Variants in LIMCH1 observed in about 807,000 individuals in gnomAD.
The protein encoded by LIMCH1 is LIM and calponin homology domains 1.
In LIMCH1, 113 loss-of-function variants were observed where a neutral mutation model predicts 176.5. The ratio of observed to expected loss-of-function variants is 0.64; its 90% CI spans 0.55 to 0.75. The LOEUF is 0.75. LIMCH1 is among the 30% of genes least tolerant of loss of function. The probability of loss-of-function intolerance (pLI) is 0.00; values close to 1 mark genes in which losing one functional copy is unlikely to be tolerated. For missense variants in LIMCH1, 1,674 were observed against 1,814.9 expected (o/e 0.92, Z 1.41); for synonymous variants, 619 against 645.9 (o/e 0.96, Z 0.63).
intron 1 of LIMCH1, among the ~76,000 whole-genome samples, chr4:41,555,631 G>C (rs573679333): frequency 6.6e-6 from 1 of 152,284 alleles, no homozygotes; most frequent in South Asian, 2.1e-4. Context: ...ATCTTCTAAT[G>C]AGAAAACAGA....
intron 2 of LIMCH1, among the ~76,000 whole-genome samples, chr4:41,519,652 T>G (rs1417868047): frequency 6.6e-6 from 1 of 152,174 alleles, no homozygotes; most frequent in Admixed American, 6.5e-5. Context: ...TTATTTTGGT[T>G]TTTGCAACTG....
intron 1 of LIMCH1, among the ~76,000 whole-genome samples, chr4:41,451,016 G>T (rs771550583): frequency 2.0e-5 from 3 of 152,058 alleles, no homozygotes; most frequent in Non-Finnish European, 2.9e-5. Flanking sequence ...TACCACCAAG[G>T]TCTCCTTTTC....
rs2094246963 is a variant in LIMCH1, at chr4:41,650,478, A to T, written c.2906A>T (p.His969Leu). 1 of 1,613,956 alleles carries T rather than the reference A, an allele frequency of 6.2e-7. No individual in the cohort carries two copies. The highest frequency in any genetic ancestry group is 8.5e-7 in the Non-Finnish European group (1 of 1,179,984). The change falls in exon 18 of 32, where the codon CAC (histidine) becomes CTC (leucine). Residue 969 changes from histidine to leucine, a missense_variant. By Grantham distance (99) the His-to-Leu change is moderately conservative. This residue lies in a region of LIMCH1 where 1,015 missense variants were observed against 1,102.5 expected (regional missense o/e 0.92). Coordinates refer to ENST00000503057, the MANE Select transcript of LIMCH1 (RefSeq NM_001330672.2). ...GAGTGTCCCACGGTGGCACCTGCCC[A>T]CTCCTTAACCAAATCCCAGATGTTT... is the stretch of plus-strand genomic sequence containing the variant. ...ERECPTVAPA[H>L]SLTKSQMFEG... is the part of the protein sequence containing the mutation.
intron 1 of LIMCH1, among the ~76,000 whole-genome samples, chr4:41,477,015 G>A (rs1156845128): frequency 6.6e-6 from 1 of 152,152 alleles, no homozygotes; most frequent in African/African-American, 2.4e-5. Context: ...GTGGAAGTCT[G>A]ATCTTTCTTT....
Position 41,613,800 on chromosome 4 carries a change from C to A in LIMCH1, c.205+139C>A. On this transcript the variant is annotated intron_variant, in intron 5 of 31. Transcript: ENST00000503057. Reference sequence around the variant, plus strand: ...GGAACTTAGTAATTCTATAAACTGGCAGAAAAAAGAAGTCTTTGAATGTTG... The same window carrying A: ...GGAACTTAGTAATTCTATAAACTGGAAGAAAAAAGAAGTCTTTGAATGTTG... 5.6e-6 allele frequency: 4 copies of A among 720,278 alleles called. No homozygotes were observed. In the South Asian group the frequency reaches 8.0e-5, roughly 14 times the overall value. 44.6% of individuals were successfully genotyped at this position (720,278 alleles called of 1,614,324 possible).
chr4:41,664,420 T>C (rs1358655545), intron 20 of LIMCH1, among the ~76,000 whole-genome samples: 1 of 152,220 alleles, frequency 6.6e-6, no homozygotes, highest in Non-Finnish European at 1.5e-5. Flanking sequence ...GCCTCTAAAA[T>C]GCCTGTTGCC....
chr4:41,613,637 G>A lies in LIMCH1; in HGVS notation c.181G>A (p.Val61Ile). The part of the protein sequence containing the change: ...SRSRQTPSPD[V>I]VLRGSSDGRG... ...CTCTCGGCAGACGCCTTCACCAGAT[G>A]TAGTCCTCAGGGGAAGCAGCGATGG... The change falls in exon 5 of 32, where the codon GTA becomes ATA. Residue 61 changes from valine (V) to isoleucine (I), a missense_variant. Physicochemically the swap from Val to Ile is conservative, Grantham distance 29. Transcript: ENST00000503057. 1 of 1,614,162 alleles carries A rather than the reference G, an allele frequency of 6.2e-7. No individual in the cohort carries two copies. The highest frequency in any genetic ancestry group is 8.5e-7 in the Non-Finnish European group (1 of 1,180,014).
chr4:41,494,410 CAT>C, intron 1 of LIMCH1: 1 of 607,788 alleles, frequency 1.6e-6, no homozygotes, highest in Non-Finnish European at 2.9e-6. Context: ...TACACATAAA[CAT>C]ACATATATAC....
chr4:41,630,869 A>C (rs1310644357), intron 9 of LIMCH1, among the ~76,000 whole-genome samples: 1 of 152,206 alleles, frequency 6.6e-6, no homozygotes, highest in Non-Finnish European at 1.5e-5. Context: ...CATACCTTAT[A>C]CGTGTATACC....
intron 2 of LIMCH1, 147 bp from the exon 3 acceptor site, chr4:41,603,728 C>T: frequency 1.7e-6 from 1 of 575,292 alleles, no homozygotes; most frequent in Non-Finnish European, 3.1e-6. Flanking sequence ...TGCCCGAAAT[C>T]ACAAAACTTA....
rs148439416 is a variant in LIMCH1 at position 41,379,845 on chromosome 4, C to T, written c.96+18909C>T. On this transcript the variant is annotated intron_variant, in intron 1 of 26. Coordinates refer to the LIMCH1 transcript ENST00000313860. ...ACAGAGTCTCGCTGTGTTGCCCAGG[C>T]TGGGGTGCAGTGACGCGATCTCAGC... Among the ~76,000 whole-genome samples the T allele has an allele frequency of 3.4e-4, 52 of 152,182 alleles. No homozygotes were observed. In the East Asian group the frequency reaches 9.8e-3, roughly 29 times the overall value.
chr4:41,650,282 A>T (rs1192090980), intron 17 of LIMCH1, 111 bp from the exon 18 acceptor site: 1 of 753,452 alleles, frequency 1.3e-6, no homozygotes, highest in African/African-American at 1.7e-5. Context: ...CCTTCATTGG[A>T]CTCTGGTTAT....
At chr4:41,641,947 T>C (rs986061245) in intron 14 of LIMCH1, among the ~76,000 whole-genome samples, 1 of 151,974 alleles carries the variant, frequency 6.6e-6, no homozygotes, top group Non-Finnish European at 1.5e-5. Context: ...ACAGTGGGAG[T>C]AGAGATGGGA....
Position 41,360,794 on chromosome 4 carries a change from G to T in LIMCH1, c.-47G>T. The T allele has an allele frequency of 7.0e-7, 1 of 1,426,644 alleles. No individual in the cohort carries two copies. Among genetic ancestry groups the T allele is most frequent in the Non-Finnish European group, 9.4e-7 (1 of 1,063,448 alleles). 88.4% of individuals were successfully genotyped at this position (1,426,644 alleles called of 1,614,324 possible). On this transcript the variant is annotated 5_prime_UTR_variant, in exon 1 of 27. Transcript: ENST00000313860. This position sits in a 1 kb window ranked among gnomAD's most constrained non-coding sequence, Gnocchi z 4.5. The stretch of plus-strand genomic sequence containing the variant: ...AGCGCGCTCCTGCGGCGGCGACGGC[G>T]GCGGCCGTCCTCATCCCGGCGCTTG...
rs571677297 is a variant in LIMCH1 at position 41,678,675 on chromosome 4, G to A, written c.3520-1331G>A. ...CTAACTTGTTGCCTGGTATGGCATCGTGAGTTATGGGCCAAGGTGTTTGTA... is the reference window on the plus strand; with the variant it reads ...CTAACTTGTTGCCTGGTATGGCATCATGAGTTATGGGCCAAGGTGTTTGTA... On this transcript the variant is annotated intron_variant, in intron 23 of 31. Coordinates refer to ENST00000503057, the MANE Select transcript of LIMCH1 (RefSeq NM_001330672.2). Among the ~76,000 whole-genome samples the A allele has an allele frequency of 1.4e-4, 21 of 152,174 alleles. No individual in the cohort carries two copies. In the South Asian group the frequency reaches 2.7e-3, roughly 20 times the overall value.
At position 41,440,028 on chromosome 4, in the gene LIMCH1, T is replaced by G. The variant is rs535765185; in HGVS notation, c.97-54508T>G. ...TGAACATCTCCTGTACACTAGGCAT[T>G]TTGCTTGATGCTTCATGATTAAGGT... On this transcript the variant is annotated intron_variant, in intron 1 of 26. Transcript: ENST00000313860. 2.1e-4 allele frequency among the ~76,000 whole-genome samples: 32 copies of G among 152,216 alleles called. 1 individual carries two copies. The highest frequency in any genetic ancestry group is 3.2e-3 in the Middle Eastern group (1 of 316).
intron 2 of LIMCH1, among the ~76,000 whole-genome samples, chr4:41,509,759 G>A (rs2074630527): frequency 6.6e-6 from 1 of 152,176 alleles, no homozygotes; most frequent in Non-Finnish European, 1.5e-5. Context: ...AGGACTCATG[G>A]TGAGCAGAAT....
At chr4:41,399,121 G>C (rs2058100286) in intron 1 of LIMCH1, among the ~76,000 whole-genome samples, 1 of 152,184 alleles carries the variant, frequency 6.6e-6, no homozygotes. Context: ...CTGCTTAAAG[G>C]GGAAAGCAGA....
intron 1 of LIMCH1, among the ~76,000 whole-genome samples, chr4:41,448,082 T>C (rs908219936): frequency 6.6e-6 from 1 of 152,074 alleles, no homozygotes; most frequent in Non-Finnish European, 1.5e-5. Flanking sequence ...TGAGCCACCA[T>C]GCCCAGCCTG....
Sources: allele counts gnomAD v4.1 joint callset (sites outside exome capture counted in the v4.1 genomes callset), GRCh38; gene constraint gnomAD v4.1.1; regional missense constraint gnomAD v4.1.1; non-coding constraint Gnocchi (gnomAD v3.1); transcripts MANE v1.5; gene names NCBI Gene and HGNC (gene_info 2026-07-23, HGNC 2026-07-21).